The following SPRR2G variants were observed in gnomAD, a reference collection of about 807,000 sequenced individuals.
SPRR2G encodes small proline-rich protein 2G.
In SPRR2G, 1 loss-of-function variant was observed where a neutral mutation model predicts 0.7. The ratio of observed to expected loss-of-function variants is 1.49; its 90% confidence interval spans 0.53 to 7.06. The LOEUF (loss-of-function observed/expected upper bound fraction) is 7.06. Ranked by LOEUF, SPRR2G falls within the 30% of genes most tolerant of loss-of-function variation. The pLI, the probability that SPRR2G is intolerant of heterozygous loss-of-function variation, is 0.14. For missense variants in SPRR2G, 96 were observed against 88.5 expected (o/e 1.09, Z -0.34); for synonymous variants, 38 against 33.9 (o/e 1.12, Z -0.42).
chr1:153,170,076 T>C, the SPRR2G span, among the ~76,000 whole-genome samples: 1 of 152,238 alleles, frequency 6.6e-6, no homozygotes, highest in East Asian at 1.9e-4. Flanking sequence ...GGAATTTGGT[T>C]AGGTTTCTAA....
chr1:153,170,088 C>T, the SPRR2G span, among the ~76,000 whole-genome samples: 2 of 152,146 alleles, frequency 1.3e-5, no homozygotes, highest in Non-Finnish European at 2.9e-5. Flanking sequence ...GGTTTCTAAA[C>T]AGCATTGAAA....
chr1:153,176,334 A>G, the SPRR2G span: 4 of 152,118 alleles, frequency 2.6e-5, no homozygotes, highest in East Asian at 1.9e-4. Context: ...TTACTCACCC[A>G]TGTATTTATC....
the SPRR2G span, among the ~76,000 whole-genome samples, chr1:153,198,622 G>C: frequency 6.6e-6 from 1 of 152,166 alleles, no homozygotes; most frequent in African/African-American, 2.4e-5. Context: ...GATGATCCCA[G>C]GTTTCTTGTT....
At chr1:153,184,414 G>A in the SPRR2G span, among the ~76,000 whole-genome samples, 1 of 152,098 alleles carries the variant, frequency 6.6e-6, no homozygotes, top group African/African-American at 2.4e-5. Context: ...CCTTGAAGAG[G>A]TCCTTCACGT....
At chr1:153,164,164 G>C in the SPRR2G span, among the ~76,000 whole-genome samples, 4 of 152,070 alleles carry the variant, frequency 2.6e-5, no homozygotes, top group African/African-American at 9.7e-5. Flanking sequence ...ATGTTATTTG[G>C]TAAACAAAAC....
chr1:153,192,353 A>G, the SPRR2G span, among the ~76,000 whole-genome samples: 1 of 152,316 alleles, frequency 6.6e-6, no homozygotes. Context: ...ATCTAATCAT[A>G]TTATATCCCA....
the SPRR2G span, among the ~76,000 whole-genome samples, chr1:153,184,518 G>T: frequency 6.6e-6 from 1 of 152,076 alleles, no homozygotes; most frequent in African/African-American, 2.4e-5. Flanking sequence ...TGTCTTATTG[G>T]TGTAAAAGAA....
chr1:153,149,748 TTC>T lies in SPRR2G; in HGVS notation c.*139_*140del. 1 of 1,090,072 alleles carries T rather than the reference TTC, an allele frequency of 9.2e-7. No homozygotes were observed. The highest frequency in any genetic ancestry group is 2.1e-5 in the Admixed American group (1 of 47,492). The allele number at this position is 1,090,072 out of a possible 1,614,324, so 67.5% of individuals were successfully genotyped here. A position where few individuals can be genotyped will look rare whatever the true frequency, so the allele number is the denominator to read the frequency against. On this transcript the variant is annotated 3_prime_UTR_variant, in exon 2 of 2. Coordinates refer to ENST00000368748, the MANE Select transcript of SPRR2G (RefSeq NM_001014291.4). ...ATATCGGTTTTCAGAACTAAGCCTT[TTC>T]TCTGTCAACGCTCAAGCCAGACAGA...
the SPRR2G span, among the ~76,000 whole-genome samples, chr1:153,185,548 G>T: frequency 6.6e-6 from 1 of 151,972 alleles, no homozygotes; most frequent in African/African-American, 2.4e-5. Context: ...TATTTCTGAG[G>T]GATCAGTGGT....
the SPRR2G span, among the ~76,000 whole-genome samples, chr1:153,169,513 C>T: frequency 1.3e-5 from 2 of 150,860 alleles, no homozygotes; most frequent in East Asian, 2.0e-4. Context: ...TTGCAGTGTG[C>T]TGAGATCATG....
At chr1:153,167,889 G>A in the SPRR2G span, among the ~76,000 whole-genome samples, 1 of 152,154 alleles carries the variant, frequency 6.6e-6, no homozygotes, top group Non-Finnish European at 1.5e-5. Context: ...ATTTAATCAT[G>A]TAATACTTGC....
chr1:153,153,231 A>G (rs1656510111), upstream of SPRR2G, among the ~76,000 whole-genome samples: 1 of 152,106 alleles, frequency 6.6e-6, no homozygotes, highest in East Asian at 1.9e-4. Context: ...TATCATGTAT[A>G]TTTTTTGCTT....
chr1:153,199,431 CA>C, the SPRR2G span, among the ~76,000 whole-genome samples: 1 of 152,206 alleles, frequency 6.6e-6, no homozygotes, highest in Non-Finnish European at 1.5e-5. Context: ...AGGACACATT[CA>C]AGTTCTCCAC....
At chr1:153,198,287 AAG>A in the SPRR2G span, among the ~76,000 whole-genome samples, 1 of 152,206 alleles carries the variant, frequency 6.6e-6, no homozygotes, top group African/African-American at 2.4e-5. Context: ...CCAGATTAGT[AAG>A]AGTTTTGTTG....
At chr1:153,179,013 C>G in the SPRR2G span, among the ~76,000 whole-genome samples, 23 of 152,134 alleles carry the variant, frequency 1.5e-4, no homozygotes, top group African/African-American at 4.6e-4. Flanking sequence ...TGGAAATGTA[C>G]TTCAGAGATT....
the SPRR2G span, among the ~76,000 whole-genome samples, chr1:153,173,333 A>G: frequency 6.6e-6 from 1 of 152,192 alleles, no homozygotes; most frequent in Non-Finnish European, 1.5e-5. Context: ...TGGTTTGGAC[A>G]ATAAGAAAGA....
At chr1:153,152,383 G>A (rs1656490106), upstream of SPRR2G, among the ~76,000 whole-genome samples, 1 of 151,700 alleles carries the variant, frequency 6.6e-6, no homozygotes, top group African/African-American at 2.4e-5. Context: ...CCCCTCTCAG[G>A]GAAGATTTTT....
intron 1 of SPRR2G, 25 bp downstream of exon 1, chr1:153,150,827 A>G (rs1454484546): frequency 6.5e-6 from 1 of 153,120 alleles, no homozygotes; most frequent in Non-Finnish European, 1.5e-5. Flanking sequence ...CAAGTGCAAG[A>G]AAAGCTTCTA....
the SPRR2G span, among the ~76,000 whole-genome samples, chr1:153,172,884 C>T: frequency 2.0e-5 from 3 of 152,122 alleles, no homozygotes; most frequent in South Asian, 6.2e-4. Flanking sequence ...TATGGTTGGA[C>T]TGACAGTGAC....
Sources: gnomAD v4.1 joint callset for allele counts (sites outside exome capture counted in the v4.1 genomes callset) on GRCh38, gnomAD v4.1.1 for gene constraint, MANE v1.5 for transcripts, NCBI Gene and HGNC (gene_info 2026-07-23, HGNC 2026-07-21) for gene names.